PPP1R15A: variants seen among roughly 807,000 people sequenced by gnomAD.
PPP1R15A encodes protein phosphatase 1 regulatory subunit 15A.
A neutral mutation model predicts 48.5 loss-of-function variants in PPP1R15A; 43 were observed. That is an observed-to-expected ratio of 0.89 (90% confidence interval 0.69 to 1.14). PPP1R15A has a LOEUF of 1.14. Ranked by LOEUF, PPP1R15A falls within the 50% of genes most tolerant of loss-of-function variation. The pLI, the probability that PPP1R15A is intolerant of heterozygous loss-of-function variation, is 0.00. For missense variants in PPP1R15A, 868 were observed against 847.2 expected (o/e 1.02, Z -0.30); for synonymous variants, 327 against 327.4 (o/e 1.00, Z 0.01).
Position 48,874,486 on chromosome 19 carries a change from C to A in PPP1R15A, c.1253C>A (p.Thr418Asn), listed in dbSNP as rs2037053602. ...GCCGAGGATGAAAGAGAAGCTGAGA[C>A]TTCTGCTTCCACACCCCCTGCAAGT... The part of the protein sequence containing the change: ...GSAEDEREAE[T>N]SASTPPASAF... The change falls in exon 2 of 3, where the codon ACT becomes AAT. Residue 418 changes from threonine to asparagine, a missense_variant. Transcript: ENST00000200453. 1 of 1,612,754 alleles carries A rather than the reference C, an allele frequency of 6.2e-7. No individual in the cohort carries two copies. The highest frequency in any genetic ancestry group is 1.3e-5 in the African/African-American group (1 of 74,368).
At chr19:48,875,435 A>T in intron 2 of PPP1R15A, 179 bp from the exon 3 acceptor site, 1 of 832,538 alleles carries the variant, frequency 1.2e-6, no homozygotes, top group Non-Finnish European at 1.7e-6. Context: ...CTCTTCCTTC[A>T]GTGAGTCAGA....
In PPP1R15A at chr19:48,873,967, A is replaced by G. The variant is rs2123246623; in HGVS notation, c.734A>G (p.Lys245Arg). The change falls in exon 2 of 3, where the codon AAG (lysine) becomes AGG (arginine). Residue 245 changes from lysine (K) to arginine (R), a missense_variant. Lys to Arg is a conservative substitution (Grantham distance 26). Coordinates refer to ENST00000200453, the MANE Select transcript of PPP1R15A (RefSeq NM_014330.5). Reference protein sequence around the residue: ...KRTERSKGARKTSVSPRSSGS... With the variant: ...KRTERSKGARRTSVSPRSSGS... ...ACAGAAAGAAGTAAAGGAGCCAGGA[A>G]GACCTCCGTGTCCCCCCGATCTTCA... is the stretch of plus-strand genomic sequence containing the variant. 5 of 1,614,040 alleles carry G rather than the reference A, an allele frequency of 3.1e-6. No individual in the cohort carries two copies. The highest frequency in any genetic ancestry group is 4.2e-6 in the Non-Finnish European group (5 of 1,179,996).
In PPP1R15A at chr19:48,875,826, C is replaced by T. The variant is rs758846641; in HGVS notation, c.1878C>T (p.Pro626=). The change falls in exon 3 of 3, where the codon CCC becomes CCT. Residue 626 remains proline, a synonymous_variant. Transcript: ENST00000200453. ...WARLRNPPLA[P]IPALTQTLPS... is the part of the protein sequence containing the mutation. ...GCCTCAGGAACCCACCTTTAGCCCC[C>T]ATCCCTGCCCTCACCCAGACCTTGC... The T allele has an allele frequency of 6.2e-7, 1 of 1,613,910 alleles. No individual in the cohort carries two copies. Among genetic ancestry groups the T allele is most frequent in the Non-Finnish European group, 8.5e-7 (1 of 1,179,932 alleles).
At position 48,874,409 on chromosome 19, in the gene PPP1R15A, GC is replaced by G; in HGVS notation, c.1178del (p.Pro393GlnfsTer37). On this transcript the variant is annotated frameshift_variant, in exon 2 of 3. Transcript: ENST00000200453. LOFTEE classifies it high-confidence loss of function. ...TCTTCTTGAAGTCCTGGGTCTATCA[GC>G]CAGGAGAGGACACAGAGGAGGAGGA... ...GVFLKSWVYQ[P>X]GEDTEEEEDE... The G allele has an allele frequency of 6.2e-7, 1 of 1,614,156 alleles. No individual in the cohort carries two copies. The highest frequency in any genetic ancestry group is 1.1e-5 in the South Asian group (1 of 91,080).
rs777236234 is a variant in PPP1R15A at position 48,874,651 on chromosome 19, C to T, written c.1418C>T (p.Pro473Leu). 6.2e-6 allele frequency: 10 copies of T among 1,613,802 alleles called. No homozygotes were observed. Among genetic ancestry groups the T allele is most frequent in the East Asian group, 4.5e-5 (2 of 44,890 alleles). ...GAGTCAGACCCACATCCCTCCCACC[C>T]GGACCAGAGGGCCCACTTCAGGGGC... The part of the protein sequence containing the change: ...EAESDPHPSH[P>L]DQRAHFRGWG... The change falls in exon 2 of 3, where the codon CCG becomes CTG. Residue 473 changes from proline to leucine, a missense_variant. By Grantham distance (98) the Pro-to-Leu change is moderately conservative. Coordinates refer to ENST00000200453, the MANE Select transcript of PPP1R15A (RefSeq NM_014330.5).
rs894697515 is a variant in PPP1R15A, at chr19:48,872,551, G to A, written c.-110G>A. 5.3e-5 allele frequency: 24 copies of A among 454,918 alleles called. No homozygotes were observed. Among genetic ancestry groups the A allele is most frequent in the Admixed American group, 4.2e-4 (18 of 42,498 alleles). 28.2% of individuals were successfully genotyped at this position (454,918 alleles called of 1,614,324 possible). ...TACTCGGAGCCCGACGCCTGAGGGT[G>A]AGATGAACGCGCTGGCCTCCCTAAC... On this transcript the variant is annotated 5_prime_UTR_variant, in exon 1 of 3. Transcript: ENST00000200453.
Position 48,873,542 on chromosome 19 carries a change from C to T in PPP1R15A, c.309C>T (p.Ser103=). 6.2e-7 allele frequency: 1 copy of T among 1,614,148 alleles called. No homozygotes were observed. Among genetic ancestry groups the T allele is most frequent in the Non-Finnish European group, 8.5e-7 (1 of 1,180,028 alleles). ...RETLGLKTSS[S]LPEAWGLLDD... is the part of the protein sequence containing the mutation. ...CACTGGGGCTGAAAACCAGCAGTTC[C>T]CTTCCTGAAGCCTGGGGACTTTTGG... is the stretch of plus-strand genomic sequence containing the variant. Residue 103 remains serine (S), a synonymous_variant, in exon 2 of 3, where the codon TCC becomes TCT. Coordinates refer to ENST00000200453, the MANE Select transcript of PPP1R15A (RefSeq NM_014330.5).
Position 48,874,123 on chromosome 19 carries a change from C to A in PPP1R15A, c.890C>A (p.Pro297His). The stretch of plus-strand genomic sequence containing the variant: ...CAATCCTCAGCCCCAGCCCAGAGGC[C>A]CCAGCTCAAGTCCTGGTGGTGCCAA... ...GPQSSAPAQR[P>H]QLKSWWCQPS... The change falls in exon 2 of 3, where the codon CCC (proline) becomes CAC (histidine). Residue 297 changes from proline to histidine, a missense_variant. Physicochemically the swap from Pro to His is moderately conservative, Grantham distance 77. Transcript: ENST00000200453. The A allele has an allele frequency of 6.2e-7, 1 of 1,614,112 alleles. No individual in the cohort carries two copies. Among genetic ancestry groups the A allele is most frequent in the Non-Finnish European group, 8.5e-7 (1 of 1,180,002 alleles).
In PPP1R15A at chr19:48,873,535, G is replaced by C. The variant is rs539319692; in HGVS notation, c.302G>C (p.Ser101Thr). 6.2e-7 allele frequency: 1 copy of C among 1,614,208 alleles called. No individual in the cohort carries two copies. Among genetic ancestry groups the C allele is most frequent in the South Asian group, 1.1e-5 (1 of 91,090 alleles). The change falls in exon 2 of 3, where the codon AGC becomes ACC. Residue 101 changes from serine to threonine, a missense_variant. By Grantham distance (58) the Ser-to-Thr change is moderately conservative. Coordinates refer to ENST00000200453, the MANE Select transcript of PPP1R15A (RefSeq NM_014330.5). The part of the protein sequence containing the change: ...EDRETLGLKT[S>T]SSLPEAWGLL... ...AGAGAAACACTGGGGCTGAAAACCAGCAGTTCCCTTCCTGAAGCCTGGGGA... is the reference window on the plus strand; with the variant it reads ...AGAGAAACACTGGGGCTGAAAACCACCAGTTCCCTTCCTGAAGCCTGGGGA...
Position 48,872,616 on chromosome 19 carries a change from G to T in PPP1R15A, c.-45G>T. The stretch of plus-strand genomic sequence containing the variant: ...ATCGCTTCTGGCAGACCGAACCGGC[G>T]CTCCTGCCCCCGGGGTGACGCGCAG... On this transcript the variant is annotated 5_prime_UTR_variant, in exon 1 of 3. Coordinates refer to ENST00000200453, the MANE Select transcript of PPP1R15A (RefSeq NM_014330.5). 2.6e-6 allele frequency: 1 copy of T among 391,856 alleles called. No individual in the cohort carries two copies. Among genetic ancestry groups the T allele is most frequent in the Non-Finnish European group, 5.3e-6 (1 of 187,734 alleles). 24.3% of individuals were successfully genotyped at this position (391,856 alleles called of 1,614,324 possible).
In PPP1R15A at chr19:48,873,573, G is replaced by C. The variant is rs756002060; in HGVS notation, c.340G>C (p.Asp114His). 24 of 1,614,102 alleles carry C rather than the reference G, an allele frequency of 1.5e-5. No individual in the cohort carries two copies. Among genetic ancestry groups the C allele is most frequent in the African/African-American group, 2.7e-5 (2 of 74,924 alleles). Reference protein sequence around the residue: ...LPEAWGLLDDDDGMYGEREAT... With the variant: ...LPEAWGLLDDHDGMYGEREAT... ...TGAAGCCTGGGGACTTTTGGATGAT[G>C]ATGATGGCATGTATGGTGAGCGAGA... is the stretch of plus-strand genomic sequence containing the variant. Residue 114 changes from aspartate (D) to histidine (H), a missense_variant, in exon 2 of 3, where the codon GAT (aspartate) becomes CAT (histidine). By Grantham distance (81) the Asp-to-His change is moderately conservative (BLOSUM62 -1). Transcript: ENST00000200453.
Position 48,873,954 on chromosome 19 carries a change from A to C in PPP1R15A, c.721A>C (p.Lys241Gln), listed in dbSNP as rs1396661935. 1 of 1,613,942 alleles carries C rather than the reference A, an allele frequency of 6.2e-7. No homozygotes were observed. Among genetic ancestry groups the C allele is most frequent in the Non-Finnish European group, 8.5e-7 (1 of 1,179,966 alleles). Residue 241 changes from lysine (K) to glutamine (Q), a missense_variant, in exon 2 of 3, where the codon AAA becomes CAA. Transcript: ENST00000200453. ...GGAGGATAAAAGAACAGAAAGAAGT[A>C]AAGGAGCCAGGAAGACCTCCGTGTC... ...ATEDKRTERS[K>Q]GARKTSVSPR... is the part of the protein sequence containing the mutation.
At chr19:48,875,340 A>C in intron 2 of PPP1R15A, 1 of 520,616 alleles carries the variant, frequency 1.9e-6, no homozygotes. Flanking sequence ...AAGGCTGTGT[A>C]CGCTGTCACG....
At position 48,872,588 on chromosome 19, in the gene PPP1R15A, G is replaced by C. The variant is rs1187216896; in HGVS notation, c.-73G>C. On this transcript the variant is annotated 5_prime_UTR_variant, in exon 1 of 3. Transcript: ENST00000200453. ...CTGGCCTCCCTAACCGTCCGGACCT[G>C]TGATCGCTTCTGGCAGACCGAACCG... 2.3e-6 allele frequency: 1 copy of C among 436,608 alleles called. No individual in the cohort carries two copies. Among genetic ancestry groups the C allele is most frequent in the Non-Finnish European group, 4.7e-6 (1 of 213,128 alleles). 27.0% of individuals were successfully genotyped at this position (436,608 alleles called of 1,614,324 possible).
At position 48,873,409 on chromosome 19, in the gene PPP1R15A, G is replaced by T. The variant is rs1331068105; in HGVS notation, c.176G>T (p.Gly59Val). ...AVKGAALVEA[G>V]LEGEARTPLA... is the part of the protein sequence containing the mutation. ...AAAGGAGCAGCTCTGGTAGAAGCTG[G>T]CCTGGAGGGAGAAGCTAGGACTCCT... Residue 59 changes from glycine to valine, a missense_variant, in exon 2 of 3, where the codon GGC becomes GTC. Gly to Val is a moderately radical substitution (Grantham distance 109). Coordinates refer to ENST00000200453, the MANE Select transcript of PPP1R15A (RefSeq NM_014330.5). 6.2e-7 allele frequency: 1 copy of T among 1,613,564 alleles called. No homozygotes were observed. Among genetic ancestry groups the T allele is most frequent in the Non-Finnish European group, 8.5e-7 (1 of 1,179,750 alleles).
At chr19:48,873,150 T>C (rs73589816) in intron 1 of PPP1R15A, 75 bp from the exon 2 acceptor site, 71 of 1,413,590 alleles carry the variant, frequency 5.0e-5, no homozygotes, top group Non-Finnish European at 5.7e-5. Flanking sequence ...TTTCCGTTGC[T>C]ATGACTCATA....
chr19:48,872,829 A>G (rs626140), intron 1 of PPP1R15A, among the ~76,000 whole-genome samples, 178 bp downstream of exon 1: 37,947 of 152,078 alleles, frequency 0.25, 6,442 homozygotes, highest in African/African-American at 0.49. Context: ...AGAATGTTTC[A>G]GTCTGCGAGG....
Position 48,875,889 on chromosome 19 carries a change from G to A in PPP1R15A, c.1941G>A (p.Thr647=), listed in dbSNP as rs775218534. ...TCCCTTCGTCCCCAGTCCAGACCAC[G>A]CCCTTGAGCCAAGCTGTGGCCACAC... ...SSVPSSPVQT[T]PLSQAVATPS... Residue 647 remains threonine (T), a synonymous_variant, in exon 3 of 3, where the codon ACG becomes ACA. Transcript: ENST00000200453. 2.3e-5 allele frequency: 37 copies of A among 1,613,960 alleles called. No homozygotes were observed. The highest frequency in any genetic ancestry group is 2.8e-5 in the Non-Finnish European group (33 of 1,179,968).
intron 1 of PPP1R15A, 75 bp downstream of exon 1, chr19:48,872,726 G>T: frequency 3.1e-6 from 1 of 318,850 alleles, no homozygotes; most frequent in South Asian, 2.4e-5. Context: ...GGGGTTGGGA[G>T]CCTGGAGTCC....
Sources: gnomAD v4.1 joint callset for allele counts (sites outside exome capture counted in the v4.1 genomes callset) on GRCh38, gnomAD v4.1.1 for gene constraint, MANE v1.5 for transcripts, NCBI Gene and HGNC (gene_info 2026-07-23, HGNC 2026-07-21) for gene names.